PPP1CB: variants seen among roughly 807,000 people sequenced by gnomAD.
The protein encoded by PPP1CB is protein phosphatase 1 catalytic subunit beta.
PPP1CB carries 2 observed loss-of-function variants against 43.7 expected under a neutral mutation model. That is an observed-to-expected ratio of 0.05 (90% confidence interval 0.02 to 0.14). PPP1CB has a LOEUF of 0.14. Ranked by LOEUF, PPP1CB falls within the 10% of genes least tolerant of loss-of-function variation. The probability of loss-of-function intolerance (pLI) is 1.00; values close to 1 mark genes in which losing one functional copy is unlikely to be tolerated. For missense variants in PPP1CB, 84 were observed against 398.0 expected, an observed-to-expected ratio of 0.21 and a Z score of 6.71; for synonymous variants, 136 against 135.6, an observed-to-expected ratio of 1.00 and a Z score of -0.02.
Position 28,755,477 on chromosome 2 carries a change from G to C in PPP1CB, c.52+3301G>C, listed in dbSNP as rs138677036. Among the ~76,000 whole-genome samples, 432 of 152,294 alleles carry C rather than the reference G, an allele frequency of 2.8e-3. 1 individual carries two copies. The highest frequency in any genetic ancestry group is 4.4e-3 in the Non-Finnish European group (297 of 68,030). ...GTTTTCTTGGATTAACTTTTGCTTA[G>C]AACTAAAAACCAAAGACTTCTACTT... On this transcript the variant is annotated intron_variant, in intron 1 of 7. Coordinates refer to ENST00000395366, the MANE Select transcript of PPP1CB (RefSeq NM_002709.3).
chr2:28,784,105 A>G, intron 5 of PPP1CB, 127 bp downstream of exon 5: 2 of 614,754 alleles, frequency 3.3e-6, no homozygotes, highest in Non-Finnish European at 5.6e-6. Context: ...TCAATAAGCC[A>G]GCTACAGATT....
intron 7 of PPP1CB, among the ~76,000 whole-genome samples, chr2:28,797,330 T>C (rs770270543): frequency 7.9e-5 from 12 of 152,174 alleles, no homozygotes; most frequent in Non-Finnish European, 4.4e-5. Context: ...TTTGGAATAG[T>C]TTCAGTAGGA....
At chr2:28,765,235 A>G (rs1049608841) in intron 1 of PPP1CB, among the ~76,000 whole-genome samples, 1 of 152,172 alleles carries the variant, frequency 6.6e-6, no homozygotes, top group East Asian at 1.9e-4. Flanking sequence ...TTGAGATTCA[A>G]AGTTAATGTT....
At chr2:28,755,530 C>A (rs1376029810) in intron 1 of PPP1CB, among the ~76,000 whole-genome samples, 1 of 152,204 alleles carries the variant, frequency 6.6e-6, no homozygotes, top group Non-Finnish European at 1.5e-5. Context: ...CTGTTGGCCA[C>A]ATTCTTGTGG....
intron 5 of PPP1CB, among the ~76,000 whole-genome samples, chr2:28,785,028 G>GTAA (rs1208330897): frequency 7.4e-6 from 1 of 134,600 alleles, no homozygotes; most frequent in Non-Finnish European, 1.6e-5. Context: ...CAGTAGCCAT[G>GTAA]TAATACACTG....
chr2:28,763,451 GA>G (rs11419223), intron 1 of PPP1CB, among the ~76,000 whole-genome samples: 118 of 147,802 alleles, frequency 8.0e-4, no homozygotes, highest in African/African-American at 2.6e-3. Flanking sequence ...CAGTGCAGTG[GA>G]AAAAAAAAAA....
chr2:28,794,466 G>A (rs1558311625), intron 7 of PPP1CB, among the ~76,000 whole-genome samples: 2 of 152,120 alleles, frequency 1.3e-5, no homozygotes, highest in African/African-American at 2.4e-5. Context: ...TGAGGTGGGC[G>A]GATCATGAGG....
intron 7 of PPP1CB, among the ~76,000 whole-genome samples, chr2:28,795,454 C>A (rs1667480533): frequency 6.6e-6 from 1 of 152,182 alleles, no homozygotes; most frequent in Non-Finnish European, 1.5e-5. Flanking sequence ...TTTGAACATT[C>A]CTTTTTCTCC....
Position 28,763,670 on chromosome 2 carries a change from G to A in PPP1CB, c.52+11494G>A, listed in dbSNP as rs536846415. Among the ~76,000 whole-genome samples the A allele has an allele frequency of 8.6e-5, 13 of 151,608 alleles. No homozygotes were observed. In the South Asian group the frequency reaches 2.7e-3, roughly 32 times the overall value. On this transcript the variant is annotated intron_variant, in intron 1 of 7. Coordinates refer to ENST00000395366, the MANE Select transcript of PPP1CB (RefSeq NM_002709.3). ...CAGACAATTTGTGGTACTATACAGA[G>A]CCACTAAAGGCCATTTTGGTCTCTG... is the stretch of plus-strand genomic sequence containing the variant.
chr2:28,752,229 C>T (rs546743056), intron 1 of PPP1CB, 53 bp downstream of exon 1: 19 of 1,452,760 alleles, frequency 1.3e-5, no homozygotes, highest in South Asian at 5.0e-5. Flanking sequence ...CGCCGCCGAC[C>T]CCTGCGTCCC....
rs1295893456 is a variant in PPP1CB at position 28,799,378 on chromosome 2, ACCAT to A, written c.*79_*82del. On this transcript the variant is annotated 3_prime_UTR_variant, in exon 8 of 8. Coordinates refer to ENST00000395366, the MANE Select transcript of PPP1CB (RefSeq NM_002709.3). ...ATAATATATAAGTGTGCACTGTAAA[ACCAT>A]CCAGCCATTTGACACCCTTTATGAT... The A allele has an allele frequency of 9.1e-6, 11 of 1,207,184 alleles. No homozygotes were observed. The highest frequency in any genetic ancestry group is 2.5e-5 in the East Asian group (1 of 40,414). The allele number at this position is 1,207,184 out of a possible 1,614,324, so 74.8% of individuals were successfully genotyped here. A position where few individuals can be genotyped will look rare whatever the true frequency, so the allele number is the denominator to read the frequency against.
At chr2:28,770,853 T>C (rs1666892715) in intron 1 of PPP1CB, among the ~76,000 whole-genome samples, 1 of 152,044 alleles carries the variant, frequency 6.6e-6, no homozygotes, top group South Asian at 2.1e-4. Flanking sequence ...CTCAGTACAT[T>C]TGAAAGAAAT....
intron 2 of PPP1CB, among the ~76,000 whole-genome samples, chr2:28,777,925 A>C (rs1667075742): frequency 6.6e-6 from 1 of 152,196 alleles, no homozygotes; most frequent in Non-Finnish European, 1.5e-5. Flanking sequence ...AAATGCTGGG[A>C]TTATAGGCAT....
intron 6 of PPP1CB, among the ~76,000 whole-genome samples, chr2:28,792,033 G>A (rs1667398303): frequency 6.6e-6 from 1 of 151,340 alleles, no homozygotes; most frequent in Non-Finnish European, 1.5e-5. Context: ...ACGAAACCCT[G>A]TCTCTACAAA....
chr2:28,793,514 T>A (rs1020915643), intron 6 of PPP1CB, among the ~76,000 whole-genome samples: 2 of 152,206 alleles, frequency 1.3e-5, no homozygotes, highest in Non-Finnish European at 2.9e-5. Flanking sequence ...AAATTAAATT[T>A]AAAACTTAAA....
chr2:28,791,969 A>C (rs1179356627), intron 6 of PPP1CB, among the ~76,000 whole-genome samples: 1 of 152,210 alleles, frequency 6.6e-6, no homozygotes, highest in African/African-American at 2.4e-5. Flanking sequence ...CAAACTAAAA[A>C]ACCAAGAACT....
chr2:28,751,732 CGCGCCTGCGCG>C (rs1666272796), upstream of PPP1CB: 1 of 251,492 alleles, frequency 4.0e-6, no homozygotes, highest in South Asian at 3.8e-5. Flanking sequence ...GAGCGCACCG[CGCGCCTGCGCG>C]GAGAGCTGCG....
At chr2:28,774,170 T>C (rs1023328841) in intron 1 of PPP1CB, among the ~76,000 whole-genome samples, 1 of 152,238 alleles carries the variant, frequency 6.6e-6, no homozygotes, top group Non-Finnish European at 1.5e-5. Flanking sequence ...AAATACTAGG[T>C]AAAATATTCA....
chr2:28,776,160 C>T (rs1667036143), intron 1 of PPP1CB, among the ~76,000 whole-genome samples: 1 of 151,598 alleles, frequency 6.6e-6, no homozygotes, highest in Admixed American at 6.6e-5. Flanking sequence ...GCTGTTTTGA[C>T]ATCCTACTAG....
Sources: gnomAD v4.1 joint callset for allele counts (sites outside exome capture counted in the v4.1 genomes callset) on GRCh38, gnomAD v4.1.1 for gene constraint, MANE v1.5 for transcripts, NCBI Gene and HGNC (gene_info 2026-07-23, HGNC 2026-07-21) for gene names.